Variants in FOXD4L3 observed in about 807,000 individuals in gnomAD.
The protein encoded by FOXD4L3 is forkhead box protein D4-like 3.
For missense variants in FOXD4L3, 44 were observed against 545.5 expected (o/e 0.08, Z 9.16); for synonymous variants, 26 against 242.4 (o/e 0.11, Z 8.29).
At position 68,302,922 on chromosome 9, in the gene FOXD4L3, ATCCCCTGCGACTGAAGCACCTGC is replaced by A. The variant is rs1833681686; in HGVS notation, c.-26_-4del. ...CCCAGGCCAGGTGATCGGCCGCCAC[ATCCCCTGCGACTGAAGCACCTGC>A]TCCTCCATGAACCTGCCAAGAGCTG... is the stretch of plus-strand genomic sequence containing the variant. On this transcript the variant is annotated 5_prime_UTR_variant, in exon 1 of 1. Transcript: ENST00000342833. The A allele has an allele frequency of 6.2e-7, 1 of 1,610,592 alleles. No individual in the cohort carries two copies. Among genetic ancestry groups the A allele is most frequent in the African/African-American group, 1.3e-5 (1 of 74,778 alleles).
At position 68,304,054 on chromosome 9, in the gene FOXD4L3, T is replaced by C; in HGVS notation, c.1103T>C (p.Leu368Pro). 5.0e-6 allele frequency: 8 copies of C among 1,611,484 alleles called. No individual in the cohort carries two copies. In the South Asian group the frequency reaches 7.7e-5, roughly 16 times the overall value. ...CAAGCCTGTTGCATCCCCAGACCGC[T>C]GCCCCTTTGCTGCAAGTGTCCGCCG... ...DHQACCIPRPLPLCCKCPPPP... is the reference protein window; with the variant it reads ...DHQACCIPRPPPLCCKCPPPP... Residue 368 changes from leucine to proline, a missense_variant, in exon 1 of 1, where the codon CTG becomes CCG. By Grantham distance (98) the Leu-to-Pro change is moderately conservative. Transcript: ENST00000342833.
chr9:68,304,522 C>T lies in FOXD4L3; in HGVS notation c.*317C>T, dbSNP rs1479882070. On this transcript the variant is annotated 3_prime_UTR_variant, in exon 1 of 1. Coordinates refer to ENST00000342833, the MANE Select transcript of FOXD4L3 (RefSeq NM_199135.4). The stretch of plus-strand genomic sequence containing the variant: ...CCTGAACGTAACCTTCGCAGGGCGT[C>T]AAGTCATCTTTTCTTGCCTTCGGTT... 2.2e-5 allele frequency: 12 copies of T among 536,788 alleles called. No individual in the cohort carries two copies. Among genetic ancestry groups the T allele is most frequent in the Non-Finnish European group, 3.7e-5 (11 of 295,986 alleles). The allele number at this position is 536,788 out of a possible 1,614,324, so 33.3% of individuals were successfully genotyped here. A position where few individuals can be genotyped will look rare whatever the true frequency, so the allele number is the denominator to read the frequency against.
rs1271613645 is a variant in FOXD4L3 at position 68,304,083 on chromosome 9, C to T, written c.1132C>T (p.Pro378Ser). 1 of 1,611,324 alleles carries T rather than the reference C, an allele frequency of 6.2e-7. No individual in the cohort carries two copies. ...CCTTTGCTGCAAGTGTCCGCCGCCGCCGCTGCTCGGACAATTTTGCAGCAA... is the reference window on the plus strand; with the variant it reads ...CCTTTGCTGCAAGTGTCCGCCGCCGTCGCTGCTCGGACAATTTTGCAGCAA... ...LPLCCKCPPP[P>S]LLGQFCSNSS... is the part of the protein sequence containing the mutation. The change falls in exon 1 of 1, where the codon CCG (proline) becomes TCG (serine). Residue 378 changes from proline to serine, a missense_variant. Coordinates refer to ENST00000342833, the MANE Select transcript of FOXD4L3 (RefSeq NM_199135.4).
Position 68,302,876 on chromosome 9 carries a change from C to A in FOXD4L3, c.-76C>A, listed in dbSNP as rs1554670656. ...TTCCTGCTTCTTGCAACATTCATCC[C>A]AGGCTTCCAGCTCAGCCCGCCCCAG... On this transcript the variant is annotated 5_prime_UTR_variant, in exon 1 of 1. Transcript: ENST00000342833. 6.2e-7 allele frequency: 1 copy of A among 1,611,266 alleles called. No homozygotes were observed. The highest frequency in any genetic ancestry group is 1.3e-5 in the African/African-American group (1 of 74,838).
In FOXD4L3 at chr9:68,304,334, T is replaced by C. The variant is rs1554671025; in HGVS notation, c.*129T>C. 6.6e-7 allele frequency: 1 copy of C among 1,508,404 alleles called. No individual in the cohort carries two copies. The highest frequency in any genetic ancestry group is 1.4e-5 in the African/African-American group (1 of 71,702). 93.4% of individuals were successfully genotyped at this position (1,508,404 alleles called of 1,614,324 possible). A position where few individuals can be genotyped will look rare whatever the true frequency, so the allele number is the denominator to read the frequency against. ...CCTGGCCAACTCCGCAGGGCCCTCC[T>C]AGAGCCAGGTGGGAGTGGGGAGCGA... is the stretch of plus-strand genomic sequence containing the variant. On this transcript the variant is annotated 3_prime_UTR_variant, in exon 1 of 1. Coordinates refer to ENST00000342833, the MANE Select transcript of FOXD4L3 (RefSeq NM_199135.4).
chr9:68,304,404 T>G lies in FOXD4L3; in HGVS notation c.*199T>G, dbSNP rs1326849942. The G allele has an allele frequency of 2.1e-5, 32 of 1,505,070 alleles. No individual in the cohort carries two copies. Among genetic ancestry groups the G allele is most frequent in the Non-Finnish European group, 2.8e-5 (31 of 1,125,720 alleles). 93.2% of individuals were successfully genotyped at this position (1,505,070 alleles called of 1,614,324 possible). On this transcript the variant is annotated 3_prime_UTR_variant, in exon 1 of 1. Coordinates refer to ENST00000342833, the MANE Select transcript of FOXD4L3 (RefSeq NM_199135.4). Reference sequence around the variant, plus strand: ...CCTTGCGCGGCCCATACTGGGCGTGTGCATCTGAATCCCGCTGGAGAGCAA... The same window carrying G: ...CCTTGCGCGGCCCATACTGGGCGTGGGCATCTGAATCCCGCTGGAGAGCAA...
In FOXD4L3 at chr9:68,303,969, G is replaced by A; in HGVS notation, c.1018G>A (p.Gly340Arg). 1 of 1,611,856 alleles carries A rather than the reference G, an allele frequency of 6.2e-7. No homozygotes were observed. Among genetic ancestry groups the A allele is most frequent in the Non-Finnish European group, 8.5e-7 (1 of 1,179,808 alleles). Residue 340 changes from glycine to arginine, a missense_variant, in exon 1 of 1, where the codon GGG becomes AGG. Coordinates refer to ENST00000342833, the MANE Select transcript of FOXD4L3 (RefSeq NM_199135.4). ...CAAGGGGTCAGGGGAGCGGGTACAG[G>A]GGCTGCGCAGAATTTGTCCCCGACC... The part of the protein sequence containing the change: ...LCKGSGERVQ[G>R]LRRICPRPRG...
rs1833687033 is a variant in FOXD4L3, at chr9:68,303,132, G to T, written c.181G>T (p.Val61Leu). The T allele has an allele frequency of 7.1e-7, 1 of 1,415,816 alleles. No homozygotes were observed. Among genetic ancestry groups the T allele is most frequent in the South Asian group, 1.2e-5 (1 of 80,188 alleles). The allele number at this position is 1,415,816 out of a possible 1,614,324, so 87.7% of individuals were successfully genotyped here. A position where few individuals can be genotyped will look rare whatever the true frequency, so the allele number is the denominator to read the frequency against. The change falls in exon 1 of 1, where the codon GTG becomes TTG. Residue 61 changes from valine to leucine, a missense_variant. Physicochemically the swap from Val to Leu is conservative, Grantham distance 32. Coordinates refer to ENST00000342833, the MANE Select transcript of FOXD4L3 (RefSeq NM_199135.4). ...GCAGTCGCTCCAGCCGGGGCTGCAG[G>T]TGGCCCGGTGGGGCGGGGTTGCGCT... Reference protein sequence around the residue: ...LEQSLQPGLQVARWGGVALPR... With the variant: ...LEQSLQPGLQLARWGGVALPR...
rs1554670939 is a variant in FOXD4L3 at position 68,304,013 on chromosome 9, C to A, written c.1062C>A (p.Thr354=). The change falls in exon 1 of 1, where the codon ACC becomes ACA. Residue 354 remains threonine (T), a synonymous_variant. Coordinates refer to ENST00000342833, the MANE Select transcript of FOXD4L3 (RefSeq NM_199135.4). ...CCCGACCGCGTGGAGCTACTGCCAC[C>A]TGCTCCAGCGACCATCAAGCCTGTT... ...ICPRPRGATA[T]CSSDHQACCI... 1 of 1,611,834 alleles carries A rather than the reference C, an allele frequency of 6.2e-7. No homozygotes were observed. The highest frequency in any genetic ancestry group is 8.5e-7 in the Non-Finnish European group (1 of 1,179,866).
At position 68,304,891 on chromosome 9, in the gene FOXD4L3, TAA is replaced by T. The variant is rs1181217165; in HGVS notation, c.*687_*688del. The T allele has an allele frequency of 1.8e-5, 3 of 168,370 alleles. No individual in the cohort carries two copies. Among genetic ancestry groups the T allele is most frequent in the Admixed American group, 6.4e-5 (1 of 15,564 alleles). 10.4% of individuals were successfully genotyped at this position (168,370 alleles called of 1,614,324 possible). ...TAGTTATATAGACGAAATAAAATGC[TAA>T]GTCACTACACTACATCGTTTATTTT... On this transcript the variant is annotated 3_prime_UTR_variant, in exon 1 of 1. Coordinates refer to ENST00000342833, the MANE Select transcript of FOXD4L3 (RefSeq NM_199135.4).
Position 68,303,916 on chromosome 9 carries a change from C to T in FOXD4L3, c.965C>T (p.Ala322Val), listed in dbSNP as rs1304859551. The part of the protein sequence containing the change: ...RVWRRHREAD[A>V]SLSALRVLCK... ...TGGCGTCGCCACCGGGAGGCGGATG[C>T]ATCTCTTTCAGCATTGAGAGTATTA... The change falls in exon 1 of 1, where the codon GCA becomes GTA. Residue 322 changes from alanine to valine, a missense_variant. Ala to Val is a moderately conservative substitution (Grantham distance 64). Transcript: ENST00000342833. The T allele has an allele frequency of 6.2e-7, 1 of 1,610,880 alleles. No individual in the cohort carries two copies. Among genetic ancestry groups the T allele is most frequent in the East Asian group, 2.2e-5 (1 of 44,752 alleles).
rs1833720470 is a variant in FOXD4L3 at position 68,304,397 on chromosome 9, G to C, written c.*192G>C. On this transcript the variant is annotated 3_prime_UTR_variant, in exon 1 of 1. Transcript: ENST00000342833. ...CACTCCACCTTGCGCGGCCCATACT[G>C]GGCGTGTGCATCTGAATCCCGCTGG... is the stretch of plus-strand genomic sequence containing the variant. The C allele has an allele frequency of 1.3e-6, 2 of 1,512,486 alleles. No individual in the cohort carries two copies. Among genetic ancestry groups the C allele is most frequent in the Non-Finnish European group, 1.8e-6 (2 of 1,131,880 alleles). The allele number at this position is 1,512,486 out of a possible 1,614,324, so 93.7% of individuals were successfully genotyped here.
rs1357620792 is a variant in FOXD4L3, at chr9:68,302,947, C to G, written c.-5C>G. On this transcript the variant is annotated 5_prime_UTR_variant, in exon 1 of 1. Coordinates refer to ENST00000342833, the MANE Select transcript of FOXD4L3 (RefSeq NM_199135.4). Reference sequence around the variant, plus strand: ...ATCCCCTGCGACTGAAGCACCTGCTCCTCCATGAACCTGCCAAGAGCTGAG... The same window carrying G: ...ATCCCCTGCGACTGAAGCACCTGCTGCTCCATGAACCTGCCAAGAGCTGAG... The G allele has an allele frequency of 6.2e-7, 1 of 1,611,966 alleles. No individual in the cohort carries two copies. Among genetic ancestry groups the G allele is most frequent in the South Asian group, 1.1e-5 (1 of 90,986 alleles).
Position 68,303,985 on chromosome 9 carries a change from G to C in FOXD4L3, c.1034G>C (p.Cys345Ser), listed in dbSNP as rs782665638. ...CGGGTACAGGGGCTGCGCAGAATTT[G>C]TCCCCGACCGCGTGGAGCTACTGCC... ...GERVQGLRRICPRPRGATATC... is the reference protein window; with the variant it reads ...GERVQGLRRISPRPRGATATC... The change falls in exon 1 of 1, where the codon TGT (cysteine) becomes TCT (serine). Residue 345 changes from cysteine (C) to serine (S), a missense_variant. Physicochemically the swap from Cys to Ser is moderately radical, Grantham distance 112. Transcript: ENST00000342833. 7 of 1,611,976 alleles carry C rather than the reference G, an allele frequency of 4.3e-6. No homozygotes were observed. The highest frequency in any genetic ancestry group is 5.9e-6 in the Non-Finnish European group (7 of 1,179,860).
At position 68,304,363 on chromosome 9, in the gene FOXD4L3, G is replaced by C; in HGVS notation, c.*158G>C. ...GCCAGGTGGGAGTGGGGAGCGACCC[G>C]CAGCTGCTCACTCCACCTTGCGCGG... On this transcript the variant is annotated 3_prime_UTR_variant, in exon 1 of 1. Transcript: ENST00000342833. The C allele has an allele frequency of 6.6e-7, 1 of 1,523,404 alleles. No individual in the cohort carries two copies. The highest frequency in any genetic ancestry group is 8.8e-7 in the Non-Finnish European group (1 of 1,137,318). The allele number at this position is 1,523,404 out of a possible 1,614,324, so 94.4% of individuals were successfully genotyped here. A position where few individuals can be genotyped will look rare whatever the true frequency, so the allele number is the denominator to read the frequency against.
Position 68,304,936 on chromosome 9 carries a change from TC to T in FOXD4L3, c.*734del, listed in dbSNP as rs1833731887. 2 of 168,182 alleles carry T rather than the reference TC, an allele frequency of 1.2e-5. No homozygotes were observed. The highest frequency in any genetic ancestry group is 2.1e-4 in the South Asian group (1 of 4,860). 10.4% of individuals were successfully genotyped at this position (168,182 alleles called of 1,614,324 possible). ...TTTATTTTCTATTACATCTCATTCT[TC>T]CCTTTCTAAATGGAACTTTTTAAAA... On this transcript the variant is annotated 3_prime_UTR_variant, in exon 1 of 1. Coordinates refer to ENST00000342833, the MANE Select transcript of FOXD4L3 (RefSeq NM_199135.4).
At position 68,304,469 on chromosome 9, in the gene FOXD4L3, C is replaced by T. The variant is rs1264654111; in HGVS notation, c.*264C>T. On this transcript the variant is annotated 3_prime_UTR_variant, in exon 1 of 1. Transcript: ENST00000342833. ...TCGCTGCAAAATGGTTAGAAAGAAA[C>T]AGCTGGATTACGTTCCTCTAAAAAC... 3.0e-6 allele frequency: 2 copies of T among 673,190 alleles called. No individual in the cohort carries two copies. The highest frequency in any genetic ancestry group is 3.6e-5 in the African/African-American group (2 of 55,610). 41.7% of individuals were successfully genotyped at this position (673,190 alleles called of 1,614,324 possible).
chr9:68,304,489 A>G lies in FOXD4L3; in HGVS notation c.*284A>G. 3.1e-6 allele frequency: 2 copies of G among 637,418 alleles called. No homozygotes were observed. The highest frequency in any genetic ancestry group is 4.0e-5 in the South Asian group (2 of 50,304). The allele number at this position is 637,418 out of a possible 1,614,324, so 39.5% of individuals were successfully genotyped here. On this transcript the variant is annotated 3_prime_UTR_variant, in exon 1 of 1. Transcript: ENST00000342833. ...AGAAACAGCTGGATTACGTTCCTCT[A>G]AAAACCACCTGAACGTAACCTTCGC...
chr9:68,304,186 G>C lies in FOXD4L3; in HGVS notation c.1235G>C (p.Arg412Pro). 26 of 1,558,948 alleles carry C rather than the reference G, an allele frequency of 1.7e-5. No individual in the cohort carries two copies. The highest frequency in any genetic ancestry group is 2.2e-5 in the Non-Finnish European group (25 of 1,146,868). The change falls in exon 1 of 1, where the codon CGG becomes CCG. Residue 412 changes from arginine to proline, a missense_variant. Transcript: ENST00000342833. ...GCGCGGTGCTGGGCGGGCACCTGTC[G>C]GCCTCGTCGGCCCTGCTGAGGTATC... ...PRARCWAGTC[R>P]PRRPC
Sources: gnomAD v4.1 joint callset for allele counts on GRCh38, gnomAD v4.1.1 for gene constraint, MANE v1.5 for transcripts, NCBI Gene and HGNC (gene_info 2026-07-23, HGNC 2026-07-21) for gene names.